ADAMTS16: variants seen among roughly 807,000 people sequenced by gnomAD.
ADAMTS16 encodes the protein ADAM metallopeptidase with thrombospondin type 1 motif 16.
Under a neutral mutation model 145.8 loss-of-function variants are expected in ADAMTS16, and 94 were observed. The observed-to-expected ratio is 0.64, with a 90% CI of 0.55 to 0.77. ADAMTS16 has a LOEUF of 0.77. Ranked by LOEUF, ADAMTS16 falls within the 30% of genes least tolerant of loss-of-function variation. ADAMTS16 has a pLI of 0.00. For missense variants in ADAMTS16, 1,585 were observed against 1,591.5 expected (o/e 1.00, Z 0.07); for synonymous variants, 659 against 604.3 (o/e 1.09, Z -1.33).
rs1204157399 is a variant in ADAMTS16 at position 5,140,508 on chromosome 5, T to C, written c.41T>C (p.Leu14Pro). 23 of 1,519,660 alleles carry C rather than the reference T, an allele frequency of 1.5e-5. No homozygotes were observed. The highest frequency in any genetic ancestry group is 1.7e-5 in the Non-Finnish European group (19 of 1,144,096). The allele number at this position is 1,519,660 out of a possible 1,614,324, so 94.1% of individuals were successfully genotyped here. ...CGCGGATGGCGGGGCTTGGCGGCGC[T>C]GTGGATGCTGTTGGCGCAGGTGGCC... ...RARGWRGLAA[L>P]WMLLAQVAEQ... Residue 14 changes from leucine (L) to proline (P), a missense_variant, in exon 1 of 23, where the codon CTG (leucine) becomes CCG (proline). Physicochemically the swap from Leu to Pro is moderately conservative, Grantham distance 98. Transcript: ENST00000274181.
chr5:5,270,286 T>C (rs1013575811), intron 18 of ADAMTS16, among the ~76,000 whole-genome samples: 1 of 152,222 alleles, frequency 6.6e-6, no homozygotes, highest in African/African-American at 2.4e-5. Flanking sequence ...ATTCTTTCTA[T>C]GGAGTGGTCT....
At chr5:5,236,937 T>C (rs193032573) in intron 13 of ADAMTS16, 32 bp from the exon 14 acceptor site, 6 of 1,583,334 alleles carry the variant, frequency 3.8e-6, no homozygotes, top group Non-Finnish European at 4.3e-6. Context: ...GTATTTTTCT[T>C]ATTTGTGTTT....
At chr5:5,305,418 CCA>C (rs1307197481) in intron 20 of ADAMTS16, among the ~76,000 whole-genome samples, 1 of 56,840 alleles carries the variant, frequency 1.8e-5, no homozygotes, top group African/African-American at 6.6e-5. Context: ...ACATCCCACA[CCA>C]CACACACAAC....
chr5:5,162,101 T>A (rs576998457), intron 3 of ADAMTS16, among the ~76,000 whole-genome samples: 3 of 152,310 alleles, frequency 2.0e-5, no homozygotes, highest in African/African-American at 7.2e-5. Context: ...GACGTATGCA[T>A]GTTAAAGTAT....
At chr5:5,195,483 A>T (rs1560943773) in intron 8 of ADAMTS16, among the ~76,000 whole-genome samples, 1 of 152,216 alleles carries the variant, frequency 6.6e-6, no homozygotes, top group African/African-American at 2.4e-5. Flanking sequence ...GTGACCAGGG[A>T]GGGTGCCCTT....
chr5:5,180,920 C>T (rs1011041563), intron 3 of ADAMTS16, among the ~76,000 whole-genome samples: 1 of 152,138 alleles, frequency 6.6e-6, no homozygotes, highest in Non-Finnish European at 1.5e-5. Flanking sequence ...TGGGCCACAG[C>T]TTCAGAAACT....
chr5:5,200,353 C>T, intron 9 of ADAMTS16, 84 bp downstream of exon 9: 1 of 1,544,294 alleles, frequency 6.5e-7, no homozygotes, highest in Non-Finnish European at 8.8e-7. Context: ...TGCAAGCAGC[C>T]CCAGGCTGTG....
intron 7 of ADAMTS16, 32 bp from the exon 8 acceptor site, chr5:5,191,653 C>A (rs1346838852): frequency 1.3e-6 from 2 of 1,524,380 alleles, no homozygotes; most frequent in Non-Finnish European, 1.8e-6. Flanking sequence ...TACAACACCG[C>A]TATGTGTTCT....
At chr5:5,163,808 A>G (rs2126530633) in intron 3 of ADAMTS16, among the ~76,000 whole-genome samples, 1 of 152,334 alleles carries the variant, frequency 6.6e-6, no homozygotes, top group East Asian at 1.9e-4. Context: ...ATGGTGTCCT[A>G]GCAGTCCTTT....
intron 21 of ADAMTS16, among the ~76,000 whole-genome samples, chr5:5,312,033 A>G (rs1386385776): frequency 6.6e-6 from 1 of 152,048 alleles, no homozygotes; most frequent in African/African-American, 2.4e-5. Context: ...TCGCTTCTTT[A>G]AAAACCGTAG....
intron 18 of ADAMTS16, among the ~76,000 whole-genome samples, chr5:5,293,913 G>C (rs1739429055): frequency 6.6e-6 from 1 of 152,174 alleles, no homozygotes; most frequent in South Asian, 2.1e-4. Flanking sequence ...CCTTTCCTGG[G>C]AGCTTTGAAC....
intron 18 of ADAMTS16, among the ~76,000 whole-genome samples, chr5:5,288,883 T>C (rs1579383731): frequency 6.6e-6 from 1 of 152,168 alleles, no homozygotes; most frequent in Non-Finnish European, 1.5e-5. Context: ...ATGCTGACCA[T>C]CAACGACCTC....
chr5:5,295,908 C>T (rs368639817), intron 18 of ADAMTS16, among the ~76,000 whole-genome samples: 1 of 152,348 alleles, frequency 6.6e-6, no homozygotes. Context: ...GTTATCAGTA[C>T]ATCCATTACA....
Position 5,269,760 on chromosome 5 carries a change from G to A in ADAMTS16, c.2789+6977G>A, listed in dbSNP as rs1324336841. 2.0e-5 allele frequency among the ~76,000 whole-genome samples: 3 copies of A among 152,200 alleles called. No homozygotes were observed. The highest frequency in any genetic ancestry group is 4.4e-5 in the Non-Finnish European group (3 of 68,038). ...CACCTCTCTACGCTTGGTCTTTCTG[G>A]TATTGAGAGATTTGGAGCTGAAGAC... is the stretch of plus-strand genomic sequence containing the variant. On this transcript the variant is annotated intron_variant, in intron 18 of 22. Coordinates refer to ENST00000274181, the MANE Select transcript of ADAMTS16 (RefSeq NM_139056.4). The surrounding 1 kb of genome is among the most constrained non-coding windows in gnomAD (Gnocchi z 4.3).
chr5:5,273,134 G>A (rs1164520698), intron 18 of ADAMTS16, among the ~76,000 whole-genome samples: 3 of 152,158 alleles, frequency 2.0e-5, no homozygotes, highest in Non-Finnish European at 2.9e-5. Flanking sequence ...CCACCTGATC[G>A]TCTTTGGGTA....
intron 9 of ADAMTS16, among the ~76,000 whole-genome samples, chr5:5,202,798 T>C (rs1735997830): frequency 6.6e-6 from 1 of 152,170 alleles, no homozygotes; most frequent in African/African-American, 2.4e-5. Context: ...ATAATTTGGG[T>C]GTGTAGTGAG....
intron 1 of ADAMTS16, 54 bp downstream of exon 1, chr5:5,140,593 G>C: frequency 6.6e-7 from 1 of 1,516,044 alleles, no homozygotes; most frequent in Admixed American, 2.0e-5. Flanking sequence ...GACAGCTGGA[G>C]GCGAGTCCCC....
chr5:5,309,804 T>G (rs951330161), intron 21 of ADAMTS16, among the ~76,000 whole-genome samples: 5 of 149,196 alleles, frequency 3.4e-5, no homozygotes, highest in African/African-American at 9.9e-5. Context: ...ATGTGTGGGT[T>G]TAGGAGAGAC....
chr5:5,177,210 C>T (rs939591623), intron 3 of ADAMTS16, among the ~76,000 whole-genome samples: 1 of 152,216 alleles, frequency 6.6e-6, no homozygotes, highest in South Asian at 2.1e-4. Context: ...ACTCATCACT[C>T]GCAAGATTCA....
Sources: allele counts gnomAD v4.1 joint callset (sites outside exome capture counted in the v4.1 genomes callset), GRCh38; gene constraint gnomAD v4.1.1; non-coding constraint Gnocchi (gnomAD v3.1); transcripts MANE v1.5; gene names NCBI Gene and HGNC (gene_info 2026-07-23, HGNC 2026-07-21).